Variants in TENT4B observed in about 807,000 individuals in gnomAD.
TENT4B encodes the protein PAP associated domain containing 5.
In TENT4B, 10 loss-of-function variants were observed where a neutral mutation model predicts 75.0. The ratio of observed to expected loss-of-function variants is 0.13; its 90% CI spans 0.08 to 0.23. The LOEUF is 0.23. Among genes scored for constraint, TENT4B ranks in the 10% least tolerant of loss-of-function variants. The pLI is 1.00. For synonymous variants in TENT4B, 350 were observed against 357.7 expected (o/e 0.98, Z 0.24); for missense variants, 579 against 893.8 (o/e 0.65, Z 4.49).
intron 1 of TENT4B, among the ~76,000 whole-genome samples, chr16:50,184,776 G>A (rs2038493158): frequency 6.6e-6 from 1 of 151,980 alleles, no homozygotes; most frequent in South Asian, 2.1e-4. Context: ...ACTCTGTTAC[G>A]CAGGCTGGAG....
chr16:50,197,117 A>C (rs1043379153), intron 1 of TENT4B, among the ~76,000 whole-genome samples: 1 of 151,424 alleles, frequency 6.6e-6, no homozygotes, highest in Non-Finnish European at 1.5e-5. Context: ...TAAAAAAAAA[A>C]CAAAAAACAA....
At chr16:50,219,748 C>G (rs1450123297) in intron 5 of TENT4B, among the ~76,000 whole-genome samples, 2 of 148,418 alleles carry the variant, frequency 1.3e-5, no homozygotes, top group Non-Finnish European at 3.0e-5. Context: ...TCTTTCCCTC[C>G]CTTTTCTTTT....
intron 2 of TENT4B, among the ~76,000 whole-genome samples, chr16:50,211,702 C>G (rs2031287208): frequency 6.6e-6 from 1 of 152,000 alleles, no homozygotes; most frequent in Admixed American, 6.6e-5. Flanking sequence ...GGCAAGCTAT[C>G]CTTAGAAATT....
At position 50,233,167 on chromosome 16, in the gene TENT4B, A is replaced by G. The variant is rs1035155590; in HGVS notation, c.*3839A>G. 15 of 984,546 alleles carry G rather than the reference A, an allele frequency of 1.5e-5. No individual in the cohort carries two copies. In the South Asian group the frequency reaches 2.8e-4, roughly 19 times the overall value. The allele number at this position is 984,546 out of a possible 1,614,324, so 61.0% of individuals were successfully genotyped here. A position where few individuals can be genotyped will look rare whatever the true frequency, so the allele number is the denominator to read the frequency against. On this transcript the variant is annotated 3_prime_UTR_variant, in exon 12 of 12. Transcript: ENST00000561678. ...GTTGATAGTAATTTTCATCAGGGTC[A>G]TAGTTCATCTAGTAAAATATTTAGA...
chr16:50,154,031 C>G lies in TENT4B; in HGVS notation c.410C>G (p.Ser137Trp). The G allele has an allele frequency of 6.5e-7, 1 of 1,531,510 alleles. No individual in the cohort carries two copies. Among genetic ancestry groups the G allele is most frequent in the South Asian group, 1.2e-5 (1 of 83,574 alleles). The allele number at this position is 1,531,510 out of a possible 1,614,324, so 94.9% of individuals were successfully genotyped here. ...GCGTCCTCGCCTCCCTCGGCGTCCT[C>G]GTCCCCGCACCCTTCGGCCGCCGTC... ...SSASSPPSAS[S>W]SPHPSAAVPA... Residue 137 changes from serine to tryptophan, a missense_variant, in exon 1 of 12, where the codon TCG (serine) becomes TGG (tryptophan). Ser to Trp is a radical substitution (Grantham distance 177). Coordinates refer to ENST00000561678, the MANE Select transcript of TENT4B (RefSeq NM_001365324.3).
At chr16:50,152,961 T>A, upstream of TENT4B, 2 of 1,507,582 alleles carry the variant, frequency 1.3e-6, no homozygotes, top group Non-Finnish European at 1.8e-6. Context: ...CCATGCGGCC[T>A]CGTCCACGCT....
chr16:50,223,103 A>C (rs2031901546), intron 6 of TENT4B, 71 bp from the exon 7 acceptor site: 1 of 1,233,524 alleles, frequency 8.1e-7, no homozygotes, highest in Admixed American at 2.2e-5. Flanking sequence ...AGAAGTTAGA[A>C]TATAATTTAT....
chr16:50,174,804 C>T lies in TENT4B; in HGVS notation c.638+20545C>T, dbSNP rs1344541007. Among the ~76,000 whole-genome samples the T allele has an allele frequency of 2.1e-5, 3 of 143,204 alleles. No homozygotes were observed. The East Asian group carries it at 6.2e-4, about 30-fold the overall frequency. The allele number at this position is 143,204 out of a possible 152,430, so 93.9% of individuals were successfully genotyped here. On this transcript the variant is annotated intron_variant, in intron 1 of 11. Coordinates refer to ENST00000561678, the MANE Select transcript of TENT4B (RefSeq NM_001365324.3). ...TGTTACCCAGGCTAGAGTACAGTGG[C>T]ACAATCTCGACTCACTGCAGCTTCC...
At chr16:50,179,659 A>G (rs2038375205) in intron 1 of TENT4B, among the ~76,000 whole-genome samples, 1 of 152,250 alleles carries the variant, frequency 6.6e-6, no homozygotes, top group African/African-American at 2.4e-5. Flanking sequence ...TTGAGATCAA[A>G]GGATCTTCAG....
At chr16:50,216,875 C>T (rs1337645344) in intron 4 of TENT4B, among the ~76,000 whole-genome samples, 2 of 152,018 alleles carry the variant, frequency 1.3e-5, no homozygotes. Context: ...CCAAGTTAGG[C>T]CATTTTTTGA....
intron 1 of TENT4B, among the ~76,000 whole-genome samples, chr16:50,177,977 T>C (rs900589724): frequency 4.6e-5 from 7 of 152,112 alleles, no homozygotes; most frequent in Admixed American, 2.0e-4. Flanking sequence ...CCATCTGTTA[T>C]TTAGAAGTGT....
intron 1 of TENT4B, among the ~76,000 whole-genome samples, chr16:50,180,810 T>C (rs959394005): frequency 6.6e-6 from 1 of 151,910 alleles, no homozygotes; most frequent in African/African-American, 2.4e-5. Flanking sequence ...TCAAAATCCC[T>C]CAAGAAGGGG....
chr16:50,200,757 A>G (rs1280795749), intron 1 of TENT4B, among the ~76,000 whole-genome samples: 4 of 150,858 alleles, frequency 2.7e-5, no homozygotes, highest in South Asian at 2.1e-4. Context: ...TTCTTTGTCT[A>G]TTTTGAATAC....
intron 1 of TENT4B, among the ~76,000 whole-genome samples, chr16:50,160,699 A>T (rs542693591): frequency 6.6e-6 from 1 of 152,322 alleles, no homozygotes; most frequent in African/African-American, 2.4e-5. Flanking sequence ...AAGGGTATAG[A>T]CGTCATGGCA....
chr16:50,170,293 A>G (rs1404057537), intron 1 of TENT4B, among the ~76,000 whole-genome samples: 1 of 152,110 alleles, frequency 6.6e-6, no homozygotes, highest in African/African-American at 2.4e-5. Flanking sequence ...TGCTGGGATT[A>G]CAGGCGTGAG....
intron 1 of TENT4B, among the ~76,000 whole-genome samples, chr16:50,170,078 G>A (rs1395268874): frequency 5.3e-5 from 8 of 151,408 alleles, no homozygotes; most frequent in African/African-American, 1.9e-4. Context: ...TTGAGATGGA[G>A]TCTCACACTG....
chr16:50,192,751 T>G (rs1350293628), intron 1 of TENT4B, among the ~76,000 whole-genome samples: 1 of 118,296 alleles, frequency 8.5e-6, no homozygotes, highest in Non-Finnish European at 1.9e-5. Flanking sequence ...TTCATGTGTC[T>G]CCTGTATAAT....
chr16:50,225,226 A>G lies in TENT4B; in HGVS notation c.1741A>G (p.Asn581Asp). 6.2e-7 allele frequency: 1 copy of G among 1,614,006 alleles called. No homozygotes were observed. The highest frequency in any genetic ancestry group is 8.5e-7 in the Non-Finnish European group (1 of 1,179,884). Residue 581 changes from asparagine (N) to aspartate (D), a missense_variant, in exon 10 of 12, where the codon AAC (asparagine) becomes GAC (aspartate). By Grantham distance (23) the Asn-to-Asp change is conservative. Transcript: ENST00000561678. ...TSESLSKHSS[N>D]SSSGPVSSSS... ...GGAATCTCTTAGTAAACACTCTTCA[A>G]ACTCTTCATCAGGTCCAGTGTCGTC...
In TENT4B at chr16:50,153,513, A is replaced by T; in HGVS notation, c.-109A>T. ...GAGCAGCAGCAGCAGCAGCAGCGGCAGCAGCGGCAGCAGCAGCAGCAGCCG... is the reference window on the plus strand; with the variant it reads ...GAGCAGCAGCAGCAGCAGCAGCGGCTGCAGCGGCAGCAGCAGCAGCAGCCG... On this transcript the variant is annotated 5_prime_UTR_variant, in exon 1 of 12. Transcript: ENST00000561678. The T allele has an allele frequency of 1.2e-6, 1 of 855,020 alleles. No homozygotes were observed. The highest frequency in any genetic ancestry group is 1.4e-6 in the Non-Finnish European group (1 of 715,002). The allele number at this position is 855,020 out of a possible 1,614,324, so 53.0% of individuals were successfully genotyped here. A position where few individuals can be genotyped will look rare whatever the true frequency, so the allele number is the denominator to read the frequency against.
Sources: gnomAD v4.1 joint callset for allele counts (sites outside exome capture counted in the v4.1 genomes callset) on GRCh38, gnomAD v4.1.1 for gene constraint, MANE v1.5 for transcripts, NCBI Gene and HGNC (gene_info 2026-07-23, HGNC 2026-07-21) for gene names.